Variants in ENOX1 observed in about 807,000 individuals in gnomAD.
ENOX1 encodes ecto-NOX disulfide-thiol exchanger 1.
A neutral mutation model predicts 82.5 loss-of-function variants in ENOX1; 42 were observed. The ratio of observed to expected loss-of-function variants is 0.51; its 90% confidence interval spans 0.40 to 0.66. ENOX1 has a LOEUF of 0.66. ENOX1 is among the 30% of genes least tolerant of loss of function. ENOX1 has a pLI of 0.00. For missense variants in ENOX1, 608 were observed against 811.6 expected, an observed-to-expected ratio of 0.75 and a Z score of 3.05; for synonymous variants, 271 against 282.2, an observed-to-expected ratio of 0.96 and a Z score of 0.40.
chr13:43,316,391 T>C (rs1490805264), intron 11 of ENOX1, among the ~76,000 whole-genome samples: 3 of 152,116 alleles, frequency 2.0e-5, no homozygotes, highest in African/African-American at 4.8e-5. Flanking sequence ...TACCAGATTA[T>C]GGAAAGTTTG....
At chr13:43,370,184 G>A (rs990073717) in intron 5 of ENOX1, among the ~76,000 whole-genome samples, 9 of 152,112 alleles carry the variant, frequency 5.9e-5, no homozygotes, top group Non-Finnish European at 1.0e-4. Context: ...TGGCTAACAC[G>A]GTGAAACCCC....
chr13:43,541,767 C>A (rs1288018356), intron 2 of ENOX1, among the ~76,000 whole-genome samples: 1 of 152,160 alleles, frequency 6.6e-6, no homozygotes, highest in Non-Finnish European at 1.5e-5. Context: ...TTCTATTATA[C>A]AACCATCATG....
intron 13 of ENOX1, among the ~76,000 whole-genome samples, chr13:43,269,045 AG>A (rs762202720): frequency 3.0e-4 from 46 of 152,246 alleles, no homozygotes; most frequent in Non-Finnish European, 5.9e-4. Flanking sequence ...CCTGATGCAC[AG>A]GGAAGATACT....
At chr13:43,627,033 T>G (rs2082994447) in intron 2 of ENOX1, among the ~76,000 whole-genome samples, 1 of 152,024 alleles carries the variant, frequency 6.6e-6, no homozygotes, top group Non-Finnish European at 1.5e-5. Context: ...TGCATCATTA[T>G]ATTATGTCCA....
At chr13:43,523,769 T>C (rs2077873973) in intron 2 of ENOX1, among the ~76,000 whole-genome samples, 1 of 152,098 alleles carries the variant, frequency 6.6e-6, no homozygotes, top group Non-Finnish European at 1.5e-5. Flanking sequence ...TCTGAGGTAT[T>C]GTTCTGATTC....
intron 1 of ENOX1, among the ~76,000 whole-genome samples, chr13:43,731,772 C>A (rs2089363372): frequency 6.6e-6 from 1 of 152,150 alleles, no homozygotes; most frequent in Non-Finnish European, 1.5e-5. Context: ...CGAAAAAGAA[C>A]TAAAGCTATC....
At chr13:43,583,881 C>G (rs1194637951) in intron 2 of ENOX1, among the ~76,000 whole-genome samples, 2 of 151,600 alleles carry the variant, frequency 1.3e-5, no homozygotes, top group Non-Finnish European at 2.9e-5. Context: ...TCTAATCACT[C>G]CAAGCACAAA....
chr13:43,754,151 C>G (rs1463208056), intron 1 of ENOX1, among the ~76,000 whole-genome samples: 2 of 90,140 alleles, frequency 2.2e-5, no homozygotes, highest in Admixed American at 2.3e-4. Context: ...CACATATATA[C>G]ATATGTATAT....
intron 2 of ENOX1, among the ~76,000 whole-genome samples, chr13:43,598,058 G>T (rs2081544929): frequency 6.6e-6 from 1 of 152,050 alleles, no homozygotes; most frequent in Admixed American, 6.6e-5. Flanking sequence ...CACTTTACAT[G>T]TTGAAATTGT....
intron 14 of ENOX1, among the ~76,000 whole-genome samples, chr13:43,251,303 C>A (rs750887094): frequency 1.3e-5 from 2 of 152,174 alleles, no homozygotes; most frequent in Non-Finnish European, 2.9e-5. Context: ...AGATCACCTG[C>A]AGATAATATG....
At chr13:43,665,964 T>A (rs1333483436) in intron 2 of ENOX1, among the ~76,000 whole-genome samples, 1 of 150,584 alleles carries the variant, frequency 6.6e-6, no homozygotes. Context: ...ACTTCAGGCA[T>A]GCCTTGAATA....
intron 12 of ENOX1, among the ~76,000 whole-genome samples, chr13:43,269,835 A>G (rs1566383395): frequency 6.6e-6 from 1 of 152,228 alleles, no homozygotes; most frequent in East Asian, 1.9e-4. Flanking sequence ...TCCTTTGAGC[A>G]AATGCCTATT....
In ENOX1 at chr13:43,609,027, T is replaced by C. The variant is rs375458031; in HGVS notation, c.-219+58452A>G. ...AGAACTCTCCGTTCTCAAATTACAATGTGTATAAAATGTCCAGCACAGTGC... is the reference window on the plus strand; with the variant it reads ...AGAACTCTCCGTTCTCAAATTACAACGTGTATAAAATGTCCAGCACAGTGC... On this transcript the variant is annotated intron_variant, in intron 2 of 16. Coordinates refer to ENST00000690772, the MANE Select transcript of ENOX1 (RefSeq NM_001347969.2). Among the ~76,000 whole-genome samples, 24 of 152,270 alleles carry C rather than the reference T, an allele frequency of 1.6e-4. No homozygotes were observed. In the South Asian group the frequency reaches 3.1e-3, roughly 20 times the overall value.
intron 5 of ENOX1, among the ~76,000 whole-genome samples, chr13:43,398,988 A>G (rs948599437): frequency 6.0e-5 from 9 of 150,332 alleles, no homozygotes; most frequent in African/African-American, 2.2e-4. Flanking sequence ...GGTAGGTTTT[A>G]CCACCATGTT....
At chr13:43,222,029 G>A (rs1035481811) in intron 16 of ENOX1, among the ~76,000 whole-genome samples, 2 of 152,304 alleles carry the variant, frequency 1.3e-5, no homozygotes, top group Admixed American at 6.5e-5. Flanking sequence ...ACAGCTCTGT[G>A]GGCGTTTCAT....
intron 14 of ENOX1, among the ~76,000 whole-genome samples, chr13:43,242,426 T>TTTCA (rs2042882608): frequency 6.6e-6 from 1 of 152,268 alleles, no homozygotes; most frequent in Non-Finnish European, 1.5e-5. Flanking sequence ...GTTCCCTTTC[T>TTTCA]TTCATTCTCG....
At chr13:43,650,433 T>C (rs1482912213) in intron 2 of ENOX1, among the ~76,000 whole-genome samples, 2 of 152,186 alleles carry the variant, frequency 1.3e-5, no homozygotes, top group African/African-American at 4.8e-5. Flanking sequence ...GTTCATGCCA[T>C]AGTATACTTG....
At chr13:43,550,704 T>C (rs980745530) in intron 2 of ENOX1, among the ~76,000 whole-genome samples, 2 of 152,154 alleles carry the variant, frequency 1.3e-5, no homozygotes, top group African/African-American at 4.8e-5. Context: ...GTTAAGTAAT[T>C]TTCCCATGAT....
chr13:43,627,579 A>C (rs1458594703), intron 2 of ENOX1, among the ~76,000 whole-genome samples: 2 of 151,964 alleles, frequency 1.3e-5, no homozygotes, highest in African/African-American at 4.8e-5. Flanking sequence ...TTTCCTCTGC[A>C]TTTATTTACA....
Sources: allele counts gnomAD v4.1 joint callset (sites outside exome capture counted in the v4.1 genomes callset), GRCh38; gene constraint gnomAD v4.1.1; transcripts MANE v1.5; gene names NCBI Gene and HGNC (gene_info 2026-07-23, HGNC 2026-07-21).